The following ADAM9 variants were observed in gnomAD, a reference collection of about 807,000 sequenced individuals.
The protein encoded by ADAM9 is ADAM metallopeptidase domain 9.
Under a neutral mutation model 108.1 loss-of-function variants are expected in ADAM9, and 54 were observed. That is an observed-to-expected ratio of 0.50 (90% confidence interval 0.40 to 0.63). The LOEUF (loss-of-function observed/expected upper bound fraction) is 0.63. Ranked by LOEUF, ADAM9 falls within the 20% of genes least tolerant of loss-of-function variation. The pLI, the probability that ADAM9 is intolerant of heterozygous loss-of-function variation, is 0.00. For missense variants in ADAM9, 830 were observed against 997.7 expected (o/e 0.83, Z 2.26); for synonymous variants, 316 against 336.0 (o/e 0.94, Z 0.65).
rs1354751556 is a variant in ADAM9 at position 39,077,334 on chromosome 8, G to A, written c.1804G>A (p.Gly602Ser). 6.2e-7 allele frequency: 1 copy of A among 1,613,940 alleles called. No individual in the cohort carries two copies. Among genetic ancestry groups the A allele is most frequent in the East Asian group, 2.2e-5 (1 of 44,872 alleles). The change falls in exon 16 of 22, where the codon GGT becomes AGT. Residue 602 changes from glycine to serine, a missense_variant. Gly to Ser is a moderately conservative substitution (Grantham distance 56, BLOSUM62 0). Transcript: ENST00000487273. The stretch of plus-strand genomic sequence containing the variant: ...GCCTAGTCGAGGCACCAAATGTTGG[G>A]GTGTGGATTTCCAGCTAGGATCAGA... ...QTPSRGTKCW[G>S]VDFQLGSDVP...
intron 20 of ADAM9, among the ~76,000 whole-genome samples, chr8:39,091,763 A>T (rs999343029): frequency 1.3e-5 from 2 of 152,206 alleles, no homozygotes; most frequent in African/African-American, 4.8e-5. Context: ...CTGGGATTAC[A>T]GGTATGAGCC....
At chr8:39,006,330 G>A (rs1836160091) in intron 1 of ADAM9, among the ~76,000 whole-genome samples, 1 of 151,874 alleles carries the variant, frequency 6.6e-6, no homozygotes. Context: ...TATAATTTAT[G>A]GTTTCTTGTT....
At chr8:39,037,263 G>T (rs1336987372) in intron 11 of ADAM9, among the ~76,000 whole-genome samples, 4 of 146,958 alleles carry the variant, frequency 2.7e-5, no homozygotes, top group African/African-American at 1.0e-4. Context: ...GGGTTTCACC[G>T]TGGTCTCGAT....
intron 8 of ADAM9, 33 bp from the exon 9 acceptor site, chr8:39,023,123 A>G (rs529647498): frequency 6.4e-7 from 1 of 1,568,324 alleles, no homozygotes; most frequent in South Asian, 1.1e-5. Context: ...GTTCTTTACT[A>G]TATTTTATAT....
chr8:39,008,057 G>T, intron 2 of ADAM9, 74 bp downstream of exon 2: 1 of 1,117,010 alleles, frequency 9.0e-7, no homozygotes, highest in South Asian at 1.3e-5. Context: ...GGTGTTATTT[G>T]TAGCAGTGAT....
intron 16 of ADAM9, among the ~76,000 whole-genome samples, chr8:39,077,875 A>C (rs980214646): frequency 2.6e-5 from 4 of 152,170 alleles, no homozygotes; most frequent in African/African-American, 9.7e-5. Context: ...CCCTGGGCCA[A>C]ATTCCTTTTT....
Position 39,007,928 on chromosome 8 carries a change from C to G in ADAM9, c.140C>G (p.Thr47Ser). The change falls in exon 2 of 22, where the codon ACT becomes AGT. Residue 47 changes from threonine to serine, a missense_variant. Physicochemically the swap from Thr to Ser is moderately conservative, Grantham distance 58 (BLOSUM62 1). Around this residue, in one of 3 missense-constraint regions of ADAM9, gnomAD observed 211 missense variants for 222.2 expected, o/e 0.95. Coordinates refer to ENST00000487273, the MANE Select transcript of ADAM9 (RefSeq NM_003816.3). ...TSHLSSYEIITPWRLTRERRE... is the reference protein window; with the variant it reads ...TSHLSSYEIISPWRLTRERRE... ...CATCTTTCTTCTTATGAAATTATAACTCCTTGGAGATTAACTAGAGAAAGA... is the reference window on the plus strand; with the variant it reads ...CATCTTTCTTCTTATGAAATTATAAGTCCTTGGAGATTAACTAGAGAAAGA... 1 of 1,612,308 alleles carries G rather than the reference C, an allele frequency of 6.2e-7. No homozygotes were observed. The highest frequency in any genetic ancestry group is 8.5e-7 in the Non-Finnish European group (1 of 1,179,172).
At chr8:39,091,687 G>A (rs1362234679) in intron 20 of ADAM9, among the ~76,000 whole-genome samples, 1 of 151,988 alleles carries the variant, frequency 6.6e-6, no homozygotes, top group Non-Finnish European at 1.5e-5. Flanking sequence ...GGGTCTCACC[G>A]CATTGGCCAG....
At chr8:39,023,129 T>C in intron 8 of ADAM9, 27 bp from the exon 9 acceptor site, 1 of 1,582,594 alleles carries the variant, frequency 6.3e-7, no homozygotes, top group Non-Finnish European at 8.7e-7. Flanking sequence ...TACTATATTT[T>C]ATATACTTTT....
rs1212201644 is a variant in ADAM9, at chr8:39,025,952, A to G, written c.996+68A>G. 4.8e-6 allele frequency: 7 copies of G among 1,462,614 alleles called. No individual in the cohort carries two copies. The East Asian group carries it at 1.1e-4, about 24-fold the overall frequency. The allele number at this position is 1,462,614 out of a possible 1,614,324, so 90.6% of individuals were successfully genotyped here. A position where few individuals can be genotyped will look rare whatever the true frequency, so the allele number is the denominator to read the frequency against. ...ACAATATCAAGCATTTATTGACTGTATACTTCCTCCCCTGGTCCTTAAAAC... is the reference window on the plus strand; with the variant it reads ...ACAATATCAAGCATTTATTGACTGTGTACTTCCTCCCCTGGTCCTTAAAAC... On this transcript the variant is annotated intron_variant, in intron 10 of 21. Coordinates refer to ENST00000487273, the MANE Select transcript of ADAM9 (RefSeq NM_003816.3).
At chr8:39,070,152 C>CAAA (rs5891052) in intron 14 of ADAM9, among the ~76,000 whole-genome samples, 6 of 81,380 alleles carry the variant, frequency 7.4e-5, no homozygotes, top group African/African-American at 2.9e-4. Context: ...GACTCTGTCT[C>CAAA]AAAAAAAAAA....
At chr8:39,033,067 T>A (rs1837149039) in intron 11 of ADAM9, among the ~76,000 whole-genome samples, 2 of 152,218 alleles carry the variant, frequency 1.3e-5, no homozygotes, top group South Asian at 4.1e-4. Flanking sequence ...ATGAAATATC[T>A]CTCCATTTAT....
chr8:39,045,118 GTGTGTGTGCATACATACATA>G lies in ADAM9; in HGVS notation c.1302+3003_1302+3022del, dbSNP rs1564297692. Among the ~76,000 whole-genome samples, 376 of 71,918 alleles carry G rather than the reference GTGTGTGTGCATACATACATA, an allele frequency of 5.2e-3. 49 individuals carry two copies. Among genetic ancestry groups the G allele is most frequent in the East Asian group, 9.0e-3 (21 of 2,326 alleles). 47.2% of individuals were successfully genotyped at this position (71,918 alleles called of 152,430 possible). A position where few individuals can be genotyped will look rare whatever the true frequency, so the allele number is the denominator to read the frequency against. ...TATGTGTGTGTGCATACATACATAT[GTGTGTGTGCATACATACATA>G]TATGTGTATATATGTGTATACATAC... On this transcript the variant is annotated intron_variant, in intron 12 of 21. Transcript: ENST00000487273.
At chr8:39,018,810 T>A (rs1229170738) in intron 6 of ADAM9, 43 bp from the exon 7 acceptor site, 1 of 1,571,918 alleles carries the variant, frequency 6.4e-7, no homozygotes, top group East Asian at 2.2e-5. Flanking sequence ...GATCATAGCC[T>A]TATAACTTCC....
At chr8:39,055,210 A>G (rs1838080402) in intron 13 of ADAM9, among the ~76,000 whole-genome samples, 1 of 152,178 alleles carries the variant, frequency 6.6e-6, no homozygotes, top group African/African-American at 2.4e-5. Context: ...TACATTTTAT[A>G]TATCTTTCAC....
chr8:39,049,804 C>A (rs1837897348), intron 12 of ADAM9, among the ~76,000 whole-genome samples: 1 of 152,086 alleles, frequency 6.6e-6, no homozygotes, highest in South Asian at 2.1e-4. Flanking sequence ...TACCCAGTAC[C>A]ATTAACAGCA....
chr8:39,033,999 G>GACA (rs1194920047), intron 11 of ADAM9, among the ~76,000 whole-genome samples: 11 of 152,164 alleles, frequency 7.2e-5, no homozygotes, highest in South Asian at 2.1e-4. Flanking sequence ...AAAATGGGAC[G>GACA]ACAACAACAA....
intron 10 of ADAM9, 110 bp downstream of exon 10, chr8:39,025,994 T>G: frequency 2.6e-6 from 3 of 1,134,710 alleles, no homozygotes; most frequent in East Asian, 2.4e-5. Flanking sequence ...TTGGGTGTTA[T>G]GAGGAACACA....
At chr8:39,078,447 G>A (rs1359099530) in intron 16 of ADAM9, among the ~76,000 whole-genome samples, 3 of 151,548 alleles carry the variant, frequency 2.0e-5, no homozygotes, top group Admixed American at 1.3e-4. Context: ...CAGTCTAGAC[G>A]CCTAGAAGCA....
Sources: allele counts gnomAD v4.1 joint callset (sites outside exome capture counted in the v4.1 genomes callset), GRCh38; gene constraint gnomAD v4.1.1; regional missense constraint gnomAD v4.1.1; transcripts MANE v1.5; gene names NCBI Gene and HGNC (gene_info 2026-07-23, HGNC 2026-07-21).